GRID2: variants seen among roughly 807,000 people sequenced by gnomAD.
GRID2 encodes the protein glutamate receptor ionotropic, delta-2.
In GRID2, 33 loss-of-function variants were observed where a neutral mutation model predicts 114.8. The observed-to-expected ratio is 0.29, with a 90% CI of 0.22 to 0.38. The LOEUF (loss-of-function observed/expected upper bound fraction) is 0.38, where lower values mean the gene tolerates loss of function less well. Among genes scored for constraint, GRID2 ranks in the 10% least tolerant of loss-of-function variants. GRID2 has a pLI of 1.00. For missense variants in GRID2, 1,184 were observed against 1,257.7 expected, an observed-to-expected ratio of 0.94 and a Z score of 0.89; for synonymous variants, 505 against 449.9, an observed-to-expected ratio of 1.12 and a Z score of -1.55.
At chr4:93,215,429 C>T (rs1744090174) in intron 5 of GRID2, among the ~76,000 whole-genome samples, 1 of 151,936 alleles carries the variant, frequency 6.6e-6, no homozygotes, top group Admixed American at 6.6e-5. Flanking sequence ...TGACAGGATA[C>T]CGTTTAATCC....
intron 9 of GRID2, among the ~76,000 whole-genome samples, chr4:93,419,566 A>C (rs1051045006): frequency 1.3e-5 from 2 of 152,082 alleles, no homozygotes; most frequent in African/African-American, 4.8e-5. Context: ...TAAAGCTTTA[A>C]AAACATTGAT....
chr4:93,185,785 T>C (rs1299207934), intron 4 of GRID2, among the ~76,000 whole-genome samples: 4 of 152,204 alleles, frequency 2.6e-5, no homozygotes, highest in East Asian at 1.9e-4. Context: ...CTAGGGTATA[T>C]GTGCACTACG....
intron 1 of GRID2, among the ~76,000 whole-genome samples, chr4:92,451,496 C>A (rs977503024): frequency 6.6e-6 from 1 of 152,060 alleles, no homozygotes; most frequent in Non-Finnish European, 1.5e-5. Context: ...TACACGCATA[C>A]AATAGAATTT....
At chr4:93,128,024 C>CA (rs1175904517) in intron 4 of GRID2, among the ~76,000 whole-genome samples, 6 of 19,000 alleles carry the variant, frequency 3.2e-4, no homozygotes, top group Non-Finnish European at 5.6e-4. Flanking sequence ...TTGTCCCCCG[C>CA]AACAAAAAAA....
chr4:92,652,951 A>C (rs901265475), intron 2 of GRID2, among the ~76,000 whole-genome samples: 6 of 127,964 alleles, frequency 4.7e-5, no homozygotes, highest in African/African-American at 1.6e-4. Flanking sequence ...TATATTTATA[A>C]ATATATATAA....
intron 1 of GRID2, among the ~76,000 whole-genome samples, chr4:92,353,713 T>A (rs560088332): frequency 3.3e-5 from 5 of 152,094 alleles, no homozygotes; most frequent in Non-Finnish European, 7.4e-5. Flanking sequence ...GTGGGGCCCC[T>A]CCTTCAACGC....
intron 7 of GRID2, among the ~76,000 whole-genome samples, chr4:93,231,053 A>G (rs1271337402): frequency 6.6e-6 from 1 of 152,094 alleles, no homozygotes; most frequent in African/African-American, 2.4e-5. Flanking sequence ...GAGGATTTCC[A>G]GAGACACCCA....
chr4:93,681,867 T>C (rs954968815), intron 14 of GRID2, among the ~76,000 whole-genome samples: 5 of 151,882 alleles, frequency 3.3e-5, no homozygotes, highest in African/African-American at 1.2e-4. Flanking sequence ...GACATAGGCA[T>C]GGGCAAGGAC....
intron 3 of GRID2, among the ~76,000 whole-genome samples, chr4:93,098,867 C>A (rs868604381): frequency 6.6e-6 from 1 of 151,748 alleles, no homozygotes; most frequent in Non-Finnish European, 1.5e-5. Context: ...AATAGTTATT[C>A]TCTTACCATA....
rs188459102 is a variant in GRID2, at chr4:92,383,492, C to G, written c.88+78748C>G. ...TAACGTAAGAAACATGCCAGTACAGCCTTTTGTCTTCCATGTAAAAGGCTT... is the reference window on the plus strand; with the variant it reads ...TAACGTAAGAAACATGCCAGTACAGGCTTTTGTCTTCCATGTAAAAGGCTT... On this transcript the variant is annotated intron_variant, in intron 1 of 15. Transcript: ENST00000282020. Among the ~76,000 whole-genome samples the G allele has an allele frequency of 1.0e-3, 154 of 152,010 alleles. 2 individuals are homozygous for G. The highest frequency in any genetic ancestry group is 3.5e-3 in the African/African-American group (146 of 41,486).
chr4:92,703,859 C>G (rs1366455096), intron 2 of GRID2, among the ~76,000 whole-genome samples: 1 of 151,944 alleles, frequency 6.6e-6, no homozygotes, highest in Non-Finnish European at 1.5e-5. Context: ...TTGTATATAT[C>G]TATTGGTAGA....
chr4:92,922,372 A>G lies in GRID2; in HGVS notation c.245-162623A>G, dbSNP rs555850078. ...TCTGTCCTGCACCCACTGTCCGACA[A>G]TCCCCAGTGAGATGAACCCAGTACC... On this transcript the variant is annotated intron_variant, in intron 2 of 15. Coordinates refer to ENST00000282020, the MANE Select transcript of GRID2 (RefSeq NM_001510.4). Among the ~76,000 whole-genome samples, 31 of 152,156 alleles carry G rather than the reference A, an allele frequency of 2.0e-4. No homozygotes were observed. The Middle Eastern group carries it at 0.014, about 67-fold the overall frequency.
At chr4:92,404,426 C>T (rs957459211) in intron 1 of GRID2, among the ~76,000 whole-genome samples, 3 of 152,188 alleles carry the variant, frequency 2.0e-5, no homozygotes, top group Non-Finnish European at 2.9e-5. Flanking sequence ...AATGCTTTTA[C>T]ACCGTTGGTG....
chr4:92,652,824 A>AT (rs1560512493), intron 2 of GRID2, among the ~76,000 whole-genome samples: 1 of 137,344 alleles, frequency 7.3e-6, no homozygotes, highest in African/African-American at 2.7e-5. Flanking sequence ...TATATATATA[A>AT]ATATATATAA....
rs79721565 is a variant in GRID2, at chr4:92,873,036, G to A, written c.245-211959G>A. ...GCTTTAGCTTCCACAGATACCAACAGAAAATATAGTATTATAATAGTATTG... is the reference window on the plus strand; with the variant it reads ...GCTTTAGCTTCCACAGATACCAACAAAAAATATAGTATTATAATAGTATTG... On this transcript the variant is annotated intron_variant, in intron 2 of 15. Transcript: ENST00000282020. Among the ~76,000 whole-genome samples, 22 of 152,188 alleles carry A rather than the reference G, an allele frequency of 1.4e-4. 1 individual carries two copies. Among genetic ancestry groups the A allele is most frequent in the Non-Finnish European group, 2.8e-4 (19 of 68,002 alleles).
At chr4:92,338,002 G>A (rs148968698) in intron 1 of GRID2, among the ~76,000 whole-genome samples, 21 of 152,208 alleles carry the variant, frequency 1.4e-4, no homozygotes, top group African/African-American at 4.6e-4. Context: ...ACTTACAGTG[G>A]CTTGCCTGTA....
At position 93,253,073 on chromosome 4, in the gene GRID2, C is replaced by A. The variant is rs1047841481; in HGVS notation, c.1245+14583C>A. Reference sequence around the variant, plus strand: ...GACCATCCTGGCTAACACGGTGAAACCCCGTCTCTACTAAAAATACAAAAA... The same window carrying A: ...GACCATCCTGGCTAACACGGTGAAAACCCGTCTCTACTAAAAATACAAAAA... On this transcript the variant is annotated intron_variant, in intron 8 of 15. Coordinates refer to ENST00000282020, the MANE Select transcript of GRID2 (RefSeq NM_001510.4). 1.1e-3 allele frequency among the ~76,000 whole-genome samples: 158 copies of A among 146,070 alleles called. 1 individual carries two copies. The highest frequency in any genetic ancestry group is 4.0e-3 in the African/African-American group (154 of 38,386).
intron 2 of GRID2, among the ~76,000 whole-genome samples, chr4:92,650,316 G>C (rs1731864822): frequency 6.6e-6 from 1 of 151,920 alleles, no homozygotes; most frequent in South Asian, 2.1e-4. Flanking sequence ...CACTGGTCAT[G>C]GTTCTTTATT....
At chr4:92,691,715 G>A (rs1378440521) in intron 2 of GRID2, among the ~76,000 whole-genome samples, 2 of 152,144 alleles carry the variant, frequency 1.3e-5, no homozygotes, top group Admixed American at 6.6e-5. Context: ...TTTGGAAAAC[G>A]GCAGTCATCC....
Sources: gnomAD v4.1 joint callset for allele counts (sites outside exome capture counted in the v4.1 genomes callset) on GRCh38, gnomAD v4.1.1 for gene constraint, MANE v1.5 for transcripts, NCBI Gene and HGNC (gene_info 2026-07-23, HGNC 2026-07-21) for gene names.